Variants in CCDC15 observed in about 807,000 individuals in gnomAD.
CCDC15 encodes coiled-coil domain containing 15.
Under a neutral mutation model 114.5 loss-of-function variants are expected in CCDC15, and 105 were observed. The ratio of observed to expected loss-of-function variants is 0.92; its 90% CI spans 0.78 to 1.08. CCDC15 has a LOEUF of 1.08. Among genes scored for constraint, CCDC15 ranks in the 50% least tolerant of loss-of-function variants. CCDC15 has a pLI of 0.00. For synonymous variants in CCDC15, 334 were observed against 377.8 expected (o/e 0.88, Z 1.34); for missense variants, 1,105 against 1,093.6 (o/e 1.01, Z -0.15).
At chr11:125,000,115 G>A (rs1948452550) in intron 11 of CCDC15, among the ~76,000 whole-genome samples, 2 of 151,612 alleles carry the variant, frequency 1.3e-5, no homozygotes, top group African/African-American at 4.8e-5. Context: ...CACCCGCCTT[G>A]GCCTCCCAAA....
At chr11:124,968,469 G>A (rs868024465) in intron 4 of CCDC15, among the ~76,000 whole-genome samples, 7 of 152,202 alleles carry the variant, frequency 4.6e-5, no homozygotes, top group Admixed American at 1.3e-4. Context: ...AGCCAGGTGC[G>A]GGGTATAATC....
intron 6 of CCDC15, among the ~76,000 whole-genome samples, chr11:124,983,982 C>T (rs1286072773): frequency 6.6e-6 from 1 of 152,060 alleles, no homozygotes; most frequent in Non-Finnish European, 1.5e-5. Flanking sequence ...TGGTTCCCTC[C>T]AGGTAGGCGT....
intron 13 of CCDC15, among the ~76,000 whole-genome samples, chr11:125,034,401 G>C (rs34902542): frequency 2.0e-5 from 3 of 151,856 alleles, no homozygotes; most frequent in Admixed American, 6.6e-5. Context: ...AGCCACTCGC[G>C]TGATAAAAGC....
At chr11:124,962,999 A>G (rs1443698188) in intron 4 of CCDC15, among the ~76,000 whole-genome samples, 3 of 152,210 alleles carry the variant, frequency 2.0e-5, no homozygotes, top group Non-Finnish European at 2.9e-5. Context: ...TTATGGCTGC[A>G]TAGTATTTCA....
At chr11:125,031,688 G>T (rs1028113605) in intron 13 of CCDC15, among the ~76,000 whole-genome samples, 21 of 152,168 alleles carry the variant, frequency 1.4e-4, no homozygotes, top group African/African-American at 4.3e-4. Context: ...ATGAGGGCCT[G>T]CCAAAGGCTC....
chr11:125,001,096 C>T (rs1456480121), intron 11 of CCDC15, among the ~76,000 whole-genome samples: 2 of 152,116 alleles, frequency 1.3e-5, no homozygotes, highest in East Asian at 3.8e-4. Flanking sequence ...ATAGATAGTA[C>T]TTCAGCTATG....
At chr11:125,034,307 A>C (rs1426621402) in intron 13 of CCDC15, among the ~76,000 whole-genome samples, 7 of 152,154 alleles carry the variant, frequency 4.6e-5, no homozygotes, top group African/African-American at 1.7e-4. Context: ...TCCCAGTTGC[A>C]AGGTCCCATT....
chr11:124,976,298 C>T (rs1165844958), intron 5 of CCDC15, among the ~76,000 whole-genome samples: 1 of 150,880 alleles, frequency 6.6e-6, no homozygotes, highest in Non-Finnish European at 1.5e-5. Context: ...ATGTTTGTCT[C>T]ATATATGTTG....
Position 124,991,585 on chromosome 11 carries a change from T to C in CCDC15, c.2031+2T>C. ...GACCAGGATGACATCAAAAATCAGG[T>C]AGAGTAGAAGAAAAAGATATAAACA... On this transcript the variant is annotated splice_donor_variant, in intron 9 of 15. Coordinates refer to ENST00000344762, the MANE Select transcript of CCDC15 (RefSeq NM_025004.3). LOFTEE classifies it high-confidence loss of function. 6.3e-7 allele frequency: 1 copy of C among 1,598,220 alleles called. No individual in the cohort carries two copies. The highest frequency in any genetic ancestry group is 1.1e-5 in the South Asian group (1 of 88,368).
chr11:125,037,862 T>C (rs1948786476), intron 13 of CCDC15, among the ~76,000 whole-genome samples: 1 of 152,190 alleles, frequency 6.6e-6, no homozygotes, highest in Non-Finnish European at 1.5e-5. Context: ...GCAGAATCCC[T>C]GTTTACTTGT....
rs751910684 is a variant in CCDC15, at chr11:124,959,201, A to G, written c.264A>G (p.Lys88=). 52 of 1,592,322 alleles carry G rather than the reference A, an allele frequency of 3.3e-5. No homozygotes were observed. The highest frequency in any genetic ancestry group is 4.4e-5 in the Non-Finnish European group (52 of 1,171,750). ...EALKHFQKQV[K]YRVNQQIRLR... ...TGAAACATTTTCAGAAACAAGTTAA[A>G]TACCGAGTAAATCAACAAATTAGGT... Residue 88 remains lysine, a synonymous_variant, in exon 3 of 16, where the codon AAA becomes AAG. Transcript: ENST00000344762.
At chr11:125,036,878 G>A (rs1367029075) in intron 13 of CCDC15, among the ~76,000 whole-genome samples, 4 of 151,900 alleles carry the variant, frequency 2.6e-5, no homozygotes, top group African/African-American at 4.8e-5. Flanking sequence ...ATTCCTCTCT[G>A]TGTTCTCTTG....
intron 8 of CCDC15, among the ~76,000 whole-genome samples, chr11:124,990,978 A>G (rs1948258603): frequency 6.6e-6 from 1 of 152,228 alleles, no homozygotes; most frequent in African/African-American, 2.4e-5. Context: ...TGGTTTTTCC[A>G]TAAGGTGCTC....
At position 124,982,997 on chromosome 11, in the gene CCDC15, T is replaced by C. The variant is rs1019914438; in HGVS notation, c.754-3745T>C. ...TGGAGGTTTTGTTTATTCTTCTTTA[T>C]TCTTTTTTCTTTATTTTTGTCTGAC... On this transcript the variant is annotated intron_variant, in intron 6 of 15. Coordinates refer to ENST00000344762, the MANE Select transcript of CCDC15 (RefSeq NM_025004.3). Among the ~76,000 whole-genome samples the C allele has an allele frequency of 3.9e-5, 6 of 152,214 alleles. 1 individual carries two copies. Among genetic ancestry groups the C allele is most frequent in the Admixed American group, 2.6e-4 (4 of 15,290 alleles).
At chr11:125,002,779 C>A (rs1948499295) in intron 11 of CCDC15, among the ~76,000 whole-genome samples, 1 of 151,998 alleles carries the variant, frequency 6.6e-6, no homozygotes, top group Admixed American at 6.6e-5. Context: ...TGTATTAGTA[C>A]AATTTGTCTT....
intron 13 of CCDC15, among the ~76,000 whole-genome samples, chr11:125,037,203 G>T (rs1283204238): frequency 6.6e-6 from 1 of 152,170 alleles, no homozygotes; most frequent in Admixed American, 6.5e-5. Context: ...TTTATAACTT[G>T]TTAGGTGGGT....
intron 13 of CCDC15, among the ~76,000 whole-genome samples, chr11:125,021,440 G>A (rs796962423): frequency 1.9e-4 from 29 of 151,710 alleles, no homozygotes; most frequent in South Asian, 4.2e-4. Context: ...AGATATAACC[G>A]TTTATGTACT....
Position 124,986,738 on chromosome 11 carries a change from T to G in CCDC15, c.754-4T>G. ...GTGCGCGTTTTCATTGTTTTTTTCT[T>G]TAGGAACTTGACTATGAGGAACCTG... On this transcript the variant is annotated splice_region_variant and splice_polypyrimidine_tract_variant and intron_variant, in intron 6 of 15. Coordinates refer to ENST00000344762, the MANE Select transcript of CCDC15 (RefSeq NM_025004.3). 1.3e-6 allele frequency: 2 copies of G among 1,537,574 alleles called. No homozygotes were observed. The highest frequency in any genetic ancestry group is 1.8e-6 in the Non-Finnish European group (2 of 1,142,796).
chr11:124,966,271 A>C (rs1947780027), intron 4 of CCDC15, among the ~76,000 whole-genome samples: 1 of 152,064 alleles, frequency 6.6e-6, no homozygotes, highest in Non-Finnish European at 1.5e-5. Context: ...ATTGTGTGGG[A>C]GTCTAAGTCT....
Sources: allele counts gnomAD v4.1 joint callset (sites outside exome capture counted in the v4.1 genomes callset), GRCh38; gene constraint gnomAD v4.1.1; transcripts MANE v1.5; gene names NCBI Gene and HGNC (gene_info 2026-07-23, HGNC 2026-07-21).